ZNF85: variants seen among roughly 807,000 people sequenced by gnomAD.
ZNF85 encodes zinc finger protein 85 (HPF4, HTF1).
ZNF85 carries 50 observed loss-of-function variants against 53.9 expected under a neutral mutation model. That is an observed-to-expected ratio of 0.93 (90% CI 0.74 to 1.17). ZNF85 has a LOEUF of 1.17. ZNF85 is among the 50% of genes most tolerant of loss of function. The probability of loss-of-function intolerance (pLI) is 0.00; values close to 1 mark genes in which losing one functional copy is unlikely to be tolerated. For synonymous variants in ZNF85, 225 were observed against 226.1 expected, an observed-to-expected ratio of 1.00 and a Z score of 0.04; for missense variants, 747 against 688.5, an observed-to-expected ratio of 1.08 and a Z score of -0.95.
At chr19:20,946,396 GT>G (rs1973420999) in intron 3 of ZNF85, 2 of 383,884 alleles carry the variant, frequency 5.2e-6, no homozygotes, top group South Asian at 2.1e-5. Context: ...AGAAGTAATT[GT>G]TTTATATTGC....
At chr19:20,947,626 AC>A (rs1384398515) in intron 3 of ZNF85, among the ~76,000 whole-genome samples, 4 of 149,332 alleles carry the variant, frequency 2.7e-5, no homozygotes, top group Non-Finnish European at 5.9e-5. Flanking sequence ...ATGACACATC[AC>A]TTTTATCTTG....
chr19:20,924,756 A>C (rs1296027352), intron 1 of ZNF85, among the ~76,000 whole-genome samples: 1 of 152,222 alleles, frequency 6.6e-6, no homozygotes, highest in Middle Eastern at 3.2e-3. Context: ...TCTGTTTGTA[A>C]ATATTTCCCA....
chr19:20,945,488 G>GTTTT (rs142825950), intron 3 of ZNF85: 2 of 151,888 alleles, frequency 1.3e-5, no homozygotes, highest in Non-Finnish European at 2.9e-5. Context: ...TTTGTTTTCT[G>GTTTT]TTTTTTTGAG....
chr19:20,929,519 T>A (rs1972958403), intron 1 of ZNF85, among the ~76,000 whole-genome samples: 1 of 152,182 alleles, frequency 6.6e-6, no homozygotes, highest in Non-Finnish European at 1.5e-5. Context: ...AGAATACATA[T>A]GTATCTTATA....
chr19:20,924,879 A>G (rs550700792), intron 1 of ZNF85, among the ~76,000 whole-genome samples: 10 of 152,286 alleles, frequency 6.6e-5, no homozygotes, highest in African/African-American at 1.7e-4. Flanking sequence ...TGGTGGGTCA[A>G]GGTTTCCGTT....
chr19:20,925,496 C>T (rs112920537), intron 1 of ZNF85, among the ~76,000 whole-genome samples: 1 of 151,412 alleles, frequency 6.6e-6, no homozygotes, highest in Non-Finnish European at 1.5e-5. Flanking sequence ...AACCCAGCTT[C>T]TATTTCTTGG....
chr19:20,941,276 C>A (rs1054995438), intron 3 of ZNF85, among the ~76,000 whole-genome samples: 1 of 151,654 alleles, frequency 6.6e-6, no homozygotes, highest in Non-Finnish European at 1.5e-5. Context: ...CTTCCCTCCC[C>A]CCACTCTTCC....
At chr19:20,932,785 C>T (rs1435815740) in intron 1 of ZNF85, among the ~76,000 whole-genome samples, 1 of 152,100 alleles carries the variant, frequency 6.6e-6, no homozygotes, top group Non-Finnish European at 1.5e-5. Flanking sequence ...TATCTGTATC[C>T]TGAACTTTGC....
intron 3 of ZNF85, chr19:20,946,306 T>TA (rs1438478949): frequency 2.4e-6 from 1 of 414,634 alleles, no homozygotes; most frequent in East Asian, 7.6e-5. Context: ...ACAGGTTGTC[T>TA]ATCAAAAAGA....
chr19:20,937,616 T>A (rs1448096816), intron 3 of ZNF85, among the ~76,000 whole-genome samples: 1 of 152,154 alleles, frequency 6.6e-6, no homozygotes, highest in African/African-American at 2.4e-5. Flanking sequence ...AGGGCTTATA[T>A]CAGGATGTGG....
chr19:20,925,077 A>G (rs73005103), intron 1 of ZNF85, among the ~76,000 whole-genome samples: 15,556 of 152,156 alleles, frequency 0.1, 884 homozygotes, highest in Non-Finnish European at 0.13. Flanking sequence ...AGTGTATCCT[A>G]TCAAGGGAGC....
chr19:20,934,183 T>C, intron 2 of ZNF85, 33 bp downstream of exon 2: 3 of 1,600,968 alleles, frequency 1.9e-6, no homozygotes, highest in Non-Finnish European at 1.7e-6. Context: ...ATTTCTAATA[T>C]GCCCTAAAGG....
chr19:20,934,963 A>T lies in ZNF85; in HGVS notation c.145A>T (p.Lys49Ter). The T allele has an allele frequency of 6.2e-7, 1 of 1,607,336 alleles. No homozygotes were observed. The highest frequency in any genetic ancestry group is 8.5e-7 in the Non-Finnish European group (1 of 1,177,020). ...NLVFLGITVS[K>*]PDLITCLEQG... ...TAATAAAACAGGTATTACTGTTTCT[A>T]AGCCAGACCTGATCACTTGTCTGGA... Residue 49 changes from lysine (K) to a stop codon, truncating the protein, a stop_gained, in exon 3 of 4, where the codon AAG becomes TAG. Coordinates refer to ENST00000328178, the MANE Select transcript of ZNF85 (RefSeq NM_003429.5). LOFTEE classifies it high-confidence loss of function.
chr19:20,941,875 ACAAATGT>A (rs143306842), intron 3 of ZNF85, among the ~76,000 whole-genome samples: 1,812 of 152,240 alleles, frequency 0.012, 34 homozygotes, highest in African/African-American at 0.034. Flanking sequence ...TAGTGCCAAG[ACAAATGT>A]CATGTCTTTC....
At position 20,949,610 on chromosome 19, in the gene ZNF85, G is replaced by A. The variant is rs1397175454; in HGVS notation, c.1096G>A (p.Gly366Arg). ...TACCACACATGAGGTAATTCATACT[G>A]GAGAGAAACCCTACAAATGTGAAAA... ...HLTTHEVIHT[G>R]EKPYKCEKCG... The change falls in exon 4 of 4, where the codon GGA becomes AGA. Residue 366 changes from glycine to arginine, a missense_variant. Gly to Arg is a moderately radical substitution (Grantham distance 125, BLOSUM62 -2). Transcript: ENST00000328178. 2 of 1,602,204 alleles carry A rather than the reference G, an allele frequency of 1.2e-6. No individual in the cohort carries two copies. The highest frequency in any genetic ancestry group is 8.5e-7 in the Non-Finnish European group (1 of 1,171,886).
chr19:20,941,177 G>T (rs1353496865), intron 3 of ZNF85, among the ~76,000 whole-genome samples: 3 of 152,050 alleles, frequency 2.0e-5, no homozygotes, highest in African/African-American at 2.4e-5. Flanking sequence ...ATATTTTATA[G>T]TGGCCATTCT....
At chr19:20,942,350 G>A (rs958006545) in intron 3 of ZNF85, among the ~76,000 whole-genome samples, 3 of 151,848 alleles carry the variant, frequency 2.0e-5, no homozygotes, top group Admixed American at 2.0e-4. Context: ...CAGTATGTTG[G>A]CCAGACTGGT....
chr19:20,937,296 C>A (rs1973182206), intron 3 of ZNF85: 1 of 455,596 alleles, frequency 2.2e-6, no homozygotes, highest in Non-Finnish European at 4.4e-6. Flanking sequence ...TCCCAAAGTG[C>A]TTGGATTATA....
At chr19:20,942,847 C>T in intron 3 of ZNF85, 2 of 698,474 alleles carry the variant, frequency 2.9e-6, no homozygotes, top group Non-Finnish European at 5.2e-6. Context: ...AAGATTTTGG[C>T]CCACTGCAGC....
Sources: gnomAD v4.1 joint callset for allele counts (sites outside exome capture counted in the v4.1 genomes callset) on GRCh38, gnomAD v4.1.1 for gene constraint, MANE v1.5 for transcripts, NCBI Gene and HGNC (gene_info 2026-07-23, HGNC 2026-07-21) for gene names.